The following PLA2G6 variants were observed in gnomAD, a reference collection of about 807,000 sequenced individuals.
The protein encoded by PLA2G6 is 85/88 kDa calcium-independent phospholipase A2.
PLA2G6 carries 62 observed loss-of-function variants against 83.8 expected under a neutral mutation model. The ratio of observed to expected loss-of-function variants is 0.74; its 90% CI spans 0.60 to 0.91. The LOEUF (loss-of-function observed/expected upper bound fraction) is 0.91, where lower values mean the gene tolerates loss of function less well. PLA2G6 is among the 40% of genes least tolerant of loss of function. The probability of loss-of-function intolerance (pLI) is 0.00; values close to 1 mark genes in which losing one functional copy is unlikely to be tolerated. For synonymous variants in PLA2G6, 417 were observed against 449.8 expected (o/e 0.93, Z 0.92); for missense variants, 944 against 1,102.0 (o/e 0.86, Z 2.03).
rs11570692 is a variant in PLA2G6, at chr22:38,130,043, G to A, written c.1078-481C>T. Among the ~76,000 whole-genome samples, 222 of 152,300 alleles carry A rather than the reference G, an allele frequency of 1.5e-3. 2 individuals carry two copies. The highest frequency in any genetic ancestry group is 5.0e-3 in the African/African-American group (207 of 41,554). On this transcript the variant is annotated intron_variant, in intron 7 of 16. Transcript: ENST00000332509. ...CCCTAATGGCAGCCTTCGGGGGAGT[G>A]TCCCCACGAAGAACGTCACACATTT...
In PLA2G6 at chr22:38,123,273, G is replaced by C. The variant is rs2087631124; in HGVS notation, c.1428-15C>G. 14 of 1,556,260 alleles carry C rather than the reference G, an allele frequency of 9.0e-6. No individual in the cohort carries two copies. The highest frequency in any genetic ancestry group is 1.4e-5 in the African/African-American group (1 of 73,424). The stretch of plus-strand genomic sequence containing the variant: ...GGTGGTCGTGGCTGCAGTGGGAACA[G>C]CAGTGGGAGAGAGGAGGGTCCTGCC... On this transcript the variant is annotated splice_polypyrimidine_tract_variant and intron_variant, in intron 10 of 16. Coordinates refer to ENST00000332509, the MANE Select transcript of PLA2G6 (RefSeq NM_003560.4). The surrounding 1 kb of genome is among the most constrained non-coding windows in gnomAD (Gnocchi z 4.1).
chr22:38,135,756 T>A (rs979484891), intron 5 of PLA2G6: 1 of 152,230 alleles, frequency 6.6e-6, no homozygotes, highest in Admixed American at 6.5e-5. Context: ...GAGAAGACTT[T>A]AAAATTTTTC....
chr22:38,171,107 G>A (rs1475041256), intron 1 of PLA2G6, among the ~76,000 whole-genome samples: 4 of 151,554 alleles, frequency 2.6e-5, no homozygotes, highest in Non-Finnish European at 5.9e-5. Context: ...GGGAGGCGGA[G>A]GTTGCGGTGA....
rs587784351 is a variant in PLA2G6 at position 38,112,534 on chromosome 22, C to G, written c.2246G>C (p.Trp749Ser). 1.2e-5 allele frequency: 18 copies of G among 1,555,020 alleles called. No individual in the cohort carries two copies. The highest frequency in any genetic ancestry group is 1.5e-5 in the Non-Finnish European group (17 of 1,150,436). The change falls in exon 16 of 17, where the codon TGG (tryptophan) becomes TCG (serine). Residue 749 changes from tryptophan (W) to serine (S), a missense_variant. By Grantham distance (177) the Trp-to-Ser change is radical (BLOSUM62 -3). Coordinates refer to ENST00000332509, the MANE Select transcript of PLA2G6 (RefSeq NM_003560.4). ...GTACTGGATGCCGACCATCTCGCAC[C>G]AGGCCCGTGCCCGGTCCACAGCCCG... Reference protein sequence around the residue: ...DGRAVDRARAWCEMVGIQYFR... With the variant: ...DGRAVDRARASCEMVGIQYFR...
intron 10 of PLA2G6, among the ~76,000 whole-genome samples, chr22:38,124,416 C>T (rs560452290): frequency 6.6e-6 from 1 of 152,304 alleles, no homozygotes; most frequent in African/African-American, 2.4e-5. Flanking sequence ...ACATGCTCTC[C>T]AGCGCGCCCT....
chr22:38,145,781 G>T (rs1363958820), intron 2 of PLA2G6, 128 bp from the exon 3 acceptor site: 209 of 352,992 alleles, frequency 5.9e-4, no homozygotes, highest in East Asian at 8.6e-4. Flanking sequence ...CCCCTCCCAA[G>T]CAAACACACA....
intron 2 of PLA2G6, among the ~76,000 whole-genome samples, chr22:38,166,414 A>G (rs1412097984): frequency 1.3e-5 from 2 of 152,176 alleles, no homozygotes; most frequent in Non-Finnish European, 2.9e-5. Flanking sequence ...GTGAAAATAA[A>G]TAAATCAATA....
chr22:38,151,228 T>C (rs1271807351), intron 2 of PLA2G6, among the ~76,000 whole-genome samples: 1 of 151,492 alleles, frequency 6.6e-6, no homozygotes, highest in Non-Finnish European at 1.5e-5. Context: ...CGAAAGGAAA[T>C]ACAAAAGCTT....
At chr22:38,124,035 A>G (rs898352537) in intron 10 of PLA2G6, among the ~76,000 whole-genome samples, 21 of 151,900 alleles carry the variant, frequency 1.4e-4, no homozygotes, top group African/African-American at 4.8e-4. Flanking sequence ...GGGTTTCTCC[A>G]TGTTGGCCAG....
chr22:38,152,529 C>T (rs2089608806), intron 2 of PLA2G6, among the ~76,000 whole-genome samples: 1 of 152,164 alleles, frequency 6.6e-6, no homozygotes, highest in Non-Finnish European at 1.5e-5. Flanking sequence ...TTTTTAACAA[C>T]CAGTTAACAA....
At chr22:38,149,477 G>A (rs1271293379) in intron 2 of PLA2G6, 1 of 152,046 alleles carries the variant, frequency 6.6e-6, no homozygotes. Flanking sequence ...AATAAAGCAT[G>A]GAGAGACAGA....
intron 15 of PLA2G6, among the ~76,000 whole-genome samples, chr22:38,113,229 T>C (rs2086987468): frequency 6.6e-6 from 1 of 152,202 alleles, no homozygotes; most frequent in Admixed American, 6.5e-5. Flanking sequence ...ATTCTGGGCT[T>C]CTACACTGCG....
At chr22:38,122,991 T>C in intron 11 of PLA2G6, 104 bp downstream of exon 11, 2 of 1,155,468 alleles carry the variant, frequency 1.7e-6, no homozygotes, top group Non-Finnish European at 2.5e-6. Context: ...ATAGCCCTCC[T>C]CTACTCCTCC....
intron 10 of PLA2G6, among the ~76,000 whole-genome samples, chr22:38,125,226 G>C (rs2087776892): frequency 6.6e-6 from 1 of 152,216 alleles, no homozygotes; most frequent in Admixed American, 6.5e-5. Flanking sequence ...GTTTGCATGT[G>C]TGCATGTGTG....
chr22:38,174,161 T>C (rs940843221), intron 1 of PLA2G6, among the ~76,000 whole-genome samples: 7 of 151,598 alleles, frequency 4.6e-5, no homozygotes, highest in Non-Finnish European at 5.9e-5. Flanking sequence ...CTTTGGGAGG[T>C]TAAGGCGGGC....
intron 9 of PLA2G6, 57 bp from the exon 10 acceptor site, chr22:38,126,506 C>T: frequency 2.3e-6 from 3 of 1,312,120 alleles, no homozygotes; most frequent in Middle Eastern, 1.9e-4. Context: ...GCCCTGCTAC[C>T]CCAGAGGTCC....
intron 11 of PLA2G6, among the ~76,000 whole-genome samples, chr22:38,122,263 G>A (rs1326831625): frequency 3.9e-5 from 6 of 152,100 alleles, no homozygotes; most frequent in Non-Finnish European, 8.8e-5. Flanking sequence ...CCAGATGTGG[G>A]GGCGCTCTGG....
At position 38,116,328 on chromosome 22, in the gene PLA2G6, G is replaced by A. The variant is rs774882038; in HGVS notation, c.1743-117C>T. The A allele has an allele frequency of 3.8e-5, 43 of 1,119,494 alleles. No homozygotes were observed. In the African/African-American group the frequency reaches 4.4e-4, roughly 12 times the overall value. The allele number at this position is 1,119,494 out of a possible 1,614,324, so 69.3% of individuals were successfully genotyped here. A position where few individuals can be genotyped will look rare whatever the true frequency, so the allele number is the denominator to read the frequency against. The stretch of plus-strand genomic sequence containing the variant: ...AGAGTGCCCACTCCAACCTCTGTTC[G>A]GGATAGGTGGGCTTCTCCCCGCACC... On this transcript the variant is annotated intron_variant, in intron 12 of 16. Coordinates refer to ENST00000332509, the MANE Select transcript of PLA2G6 (RefSeq NM_003560.4).
rs772161279 is a variant in PLA2G6 at position 38,140,033 on chromosome 22, A to G, written c.746T>C (p.Met249Thr). The change falls in exon 5 of 17, where the codon ATG (methionine) becomes ACG (threonine). Residue 249 changes from methionine to threonine, a missense_variant. Coordinates refer to ENST00000332509, the MANE Select transcript of PLA2G6 (RefSeq NM_003560.4). ...LLLCNARCNIMGPNGYPIHSA... is the reference protein window; with the variant it reads ...LLLCNARCNITGPNGYPIHSA... ...GTGGATGGGGTAGCCGTTGGGGCCC[A>G]TGATGTTGCACCGAGCATTGCACAG... is the stretch of plus-strand genomic sequence containing the variant. 85 of 1,612,638 alleles carry G rather than the reference A, an allele frequency of 5.3e-5. No homozygotes were observed. Among genetic ancestry groups the G allele is most frequent in the Non-Finnish European group, 7.1e-5 (84 of 1,179,368 alleles).
Sources: allele counts gnomAD v4.1 joint callset (sites outside exome capture counted in the v4.1 genomes callset), GRCh38; gene constraint gnomAD v4.1.1; non-coding constraint Gnocchi (gnomAD v3.1); transcripts MANE v1.5; gene names NCBI Gene and HGNC (gene_info 2026-07-23, HGNC 2026-07-21).